AGPAT5: variants seen among roughly 807,000 people sequenced by gnomAD.
The protein encoded by AGPAT5 is 1-acyl-sn-glycerol-3-phosphate acyltransferase epsilon.
In AGPAT5, 46 loss-of-function variants were observed where a neutral mutation model predicts 45.6. The observed-to-expected ratio is 1.01, with a 90% CI of 0.80 to 1.29. The LOEUF is 1.29. AGPAT5 is among the 50% of genes most tolerant of loss of function. AGPAT5 has a pLI of 0.00. For synonymous variants in AGPAT5, 272 were observed against 167.0 expected (o/e 1.63, Z -4.85); for missense variants, 673 against 450.7 (o/e 1.49, Z -4.47).
chr8:6,708,748 C>G lies in AGPAT5; in HGVS notation c.80C>G (p.Thr27Ser), dbSNP rs912005027. The G allele has an allele frequency of 1.7e-5, 27 of 1,608,346 alleles. No individual in the cohort carries two copies. Among genetic ancestry groups the G allele is most frequent in the Non-Finnish European group, 2.2e-5 (26 of 1,179,706 alleles). ...PSVVLLGTAP[T>S]YVLAWGVWRL... is the part of the protein sequence containing the mutation. ...GTCGTGCTCCTGGGCACGGCGCCCA[C>G]CTACGTGTTGGCCTGGGGGGTCTGG... The change falls in exon 1 of 8, where the codon ACC becomes AGC. Residue 27 changes from threonine to serine, a missense_variant. By Grantham distance (58) the Thr-to-Ser change is moderately conservative. Transcript: ENST00000285518.
intron 1 of AGPAT5, among the ~76,000 whole-genome samples, chr8:6,723,669 A>G (rs1178980582): frequency 2.0e-5 from 3 of 152,244 alleles, no homozygotes; most frequent in Non-Finnish European, 4.4e-5. Context: ...TATGTCATCG[A>G]TAAACTTTAT....
chr8:6,754,958 T>C (rs1020314126), intron 6 of AGPAT5, 93 bp from the exon 7 acceptor site: 1 of 1,070,186 alleles, frequency 9.3e-7, no homozygotes, highest in African/African-American at 1.7e-5. Flanking sequence ...TTTTACAACT[T>C]TTTTTGTCCT....
chr8:6,736,786 C>A (rs1801066470), intron 4 of AGPAT5, among the ~76,000 whole-genome samples: 1 of 152,234 alleles, frequency 6.6e-6, no homozygotes, highest in African/African-American at 2.4e-5. Flanking sequence ...GTGAGACCTG[C>A]TCACCTCTCA....
intron 1 of AGPAT5, among the ~76,000 whole-genome samples, chr8:6,717,797 C>G (rs1389984271): frequency 1.3e-5 from 2 of 152,100 alleles, no homozygotes; most frequent in East Asian, 1.9e-4. Context: ...TTTAATTTTA[C>G]TCCTTGTAAT....
At chr8:6,725,707 A>T (rs1038464839) in intron 2 of AGPAT5, among the ~76,000 whole-genome samples, 1 of 152,188 alleles carries the variant, frequency 6.6e-6, no homozygotes, top group Non-Finnish European at 1.5e-5. Context: ...ACCTGTAGCT[A>T]CTTTTGATGC....
chr8:6,740,746 C>T (rs898223313), intron 4 of AGPAT5, among the ~76,000 whole-genome samples: 4 of 152,016 alleles, frequency 2.6e-5, no homozygotes, highest in African/African-American at 9.7e-5. Flanking sequence ...AGGAAGGCTT[C>T]TGTACCAGAC....
At position 6,759,068 on chromosome 8, in the gene AGPAT5, A is replaced by T. The variant is rs1329216728; in HGVS notation, c.*1680A>T. 2 of 152,240 alleles carry T rather than the reference A, an allele frequency of 1.3e-5. No individual in the cohort carries two copies. Among genetic ancestry groups the T allele is most frequent in the Non-Finnish European group, 2.9e-5 (2 of 68,048 alleles). 9.4% of individuals were successfully genotyped at this position (152,240 alleles called of 1,614,324 possible). A position where few individuals can be genotyped will look rare whatever the true frequency, so the allele number is the denominator to read the frequency against. ...TTAGAATGTATGCACACATCCATGG[A>T]CACTCAGGATATAGTTGGCCTAATA... On this transcript the variant is annotated 3_prime_UTR_variant, in exon 8 of 8. Coordinates refer to ENST00000285518, the MANE Select transcript of AGPAT5 (RefSeq NM_018361.5).
chr8:6,730,809 G>C lies in AGPAT5; in HGVS notation c.388G>C (p.Gly130Arg). The change falls in exon 3 of 8, where the codon GGG becomes CGG. Residue 130 changes from glycine (G) to arginine (R), a missense_variant. Physicochemically the swap from Gly to Arg is moderately radical, Grantham distance 125 (BLOSUM62 -2). Transcript: ENST00000285518. ...AGGGTTAAAATGGCTGCCATTGTAT[G>C]GGTGTTACTTTGCTCAGGTAACTTG... is the stretch of plus-strand genomic sequence containing the variant. ...KEGLKWLPLY[G>R]CYFAQHGGIY... is the part of the protein sequence containing the mutation. 1.2e-6 allele frequency: 2 copies of C among 1,612,570 alleles called. No homozygotes were observed. The highest frequency in any genetic ancestry group is 1.7e-6 in the Non-Finnish European group (2 of 1,178,914).
intron 7 of AGPAT5, 63 bp from the exon 8 acceptor site, chr8:6,757,100 G>C: frequency 7.9e-7 from 1 of 1,264,618 alleles, no homozygotes; most frequent in Non-Finnish European, 1.1e-6. Flanking sequence ...CTACCTGATT[G>C]ATATTTTTTG....
At chr8:6,743,195 G>C (rs917975170) in intron 5 of AGPAT5, among the ~76,000 whole-genome samples, 3 of 152,088 alleles carry the variant, frequency 2.0e-5, no homozygotes, top group Admixed American at 2.0e-4. Flanking sequence ...TGCTACATGT[G>C]TTATTTCCAG....
intron 6 of AGPAT5, among the ~76,000 whole-genome samples, chr8:6,748,751 C>G (rs185913925): frequency 1.3e-5 from 2 of 152,296 alleles, no homozygotes; most frequent in East Asian, 3.9e-4. Flanking sequence ...GTGATCCACG[C>G]ACCTCGGCCT....
At chr8:6,711,924 T>G (rs983323170) in intron 1 of AGPAT5, among the ~76,000 whole-genome samples, 1 of 152,236 alleles carries the variant, frequency 6.6e-6, no homozygotes, top group Admixed American at 6.5e-5. Context: ...GGATGATCTC[T>G]TCATCTCAAG....
At chr8:6,715,395 G>T (rs1664862712) in intron 1 of AGPAT5, among the ~76,000 whole-genome samples, 1 of 152,188 alleles carries the variant, frequency 6.6e-6, no homozygotes, top group Admixed American at 6.5e-5. Flanking sequence ...ATCTATTTTA[G>T]TGGTAGCTGA....
chr8:6,739,851 C>T (rs550070718), intron 4 of AGPAT5, among the ~76,000 whole-genome samples: 6 of 152,094 alleles, frequency 3.9e-5, no homozygotes, highest in Non-Finnish European at 8.8e-5. Flanking sequence ...GAAAAGCACT[C>T]ATTCTTTTAT....
intron 1 of AGPAT5, among the ~76,000 whole-genome samples, chr8:6,709,936 GGT>G (rs1197447134): frequency 2.6e-5 from 4 of 152,134 alleles, no homozygotes; most frequent in African/African-American, 9.7e-5. Context: ...ATGGTTTCCT[GGT>G]AGTTGACGTT....
intron 2 of AGPAT5, among the ~76,000 whole-genome samples, chr8:6,726,211 A>G (rs1416248943): frequency 1.3e-5 from 2 of 152,210 alleles, no homozygotes; most frequent in African/African-American, 4.8e-5. Flanking sequence ...TTTACTTCTA[A>G]TACCATTCTG....
chr8:6,723,892 C>T lies in AGPAT5; in HGVS notation c.220-978C>T, dbSNP rs116696360. ...AATAGTGTCATGACCAAAAGATAAT[C>T]CTTATGGACAAGATAGATCTAAAAA... On this transcript the variant is annotated intron_variant, in intron 1 of 7. Transcript: ENST00000285518. Among the ~76,000 whole-genome samples the T allele has an allele frequency of 4.0e-3, 610 of 152,274 alleles. 5 individuals are homozygous for T. The highest frequency in any genetic ancestry group is 0.014 in the African/African-American group (592 of 41,544).
chr8:6,739,967 G>A (rs946209002), intron 4 of AGPAT5, among the ~76,000 whole-genome samples: 5 of 151,800 alleles, frequency 3.3e-5, no homozygotes, highest in East Asian at 3.9e-4. Context: ...GATATGTAAC[G>A]ACATGTTTTT....
At chr8:6,732,773 T>G in intron 4 of AGPAT5, 123 bp downstream of exon 4, 1 of 883,776 alleles carries the variant, frequency 1.1e-6, no homozygotes, top group Non-Finnish European at 1.7e-6. Flanking sequence ...AATTCAGGGT[T>G]ATGCTGAGGT....
Sources: gnomAD v4.1 joint callset for allele counts (sites outside exome capture counted in the v4.1 genomes callset) on GRCh38, gnomAD v4.1.1 for gene constraint, MANE v1.5 for transcripts, NCBI Gene and HGNC (gene_info 2026-07-23, HGNC 2026-07-21) for gene names.